Variants in TMEM232 observed in about 807,000 individuals in gnomAD.
TMEM232 encodes the protein transmembrane protein 232.
Under a neutral mutation model 78.8 loss-of-function variants are expected in TMEM232, and 80 were observed. That is an observed-to-expected ratio of 1.01 (90% CI 0.85 to 1.22). The LOEUF is 1.22. TMEM232 is among the 50% of genes most tolerant of loss of function. The probability of loss-of-function intolerance (pLI) is 0.00; values close to 1 mark genes in which losing one functional copy is unlikely to be tolerated. For missense variants in TMEM232, 881 were observed against 742.2 expected, an observed-to-expected ratio of 1.19 and a Z score of -2.17; for synonymous variants, 297 against 254.3, an observed-to-expected ratio of 1.17 and a Z score of -1.60.
intron 5 of TMEM232, among the ~76,000 whole-genome samples, chr5:110,629,450 C>A (rs1278616945): frequency 6.6e-6 from 1 of 152,048 alleles, no homozygotes; most frequent in Middle Eastern, 3.2e-3. Context: ...ATTGACAAAT[C>A]TACCTTTCCA....
At chr5:110,597,953 G>A (rs1264306787) in intron 10 of TMEM232, among the ~76,000 whole-genome samples, 2 of 152,144 alleles carry the variant, frequency 1.3e-5, no homozygotes, top group Non-Finnish European at 1.5e-5. Context: ...ATAGGCATGG[G>A]CAAGGACTTC....
chr5:110,677,826 C>T (rs1451981914), intron 1 of TMEM232, among the ~76,000 whole-genome samples: 4 of 151,884 alleles, frequency 2.6e-5, no homozygotes, highest in Non-Finnish European at 5.9e-5. Flanking sequence ...TCTTTGATTC[C>T]CATCATCATA....
intron 11 of TMEM232, among the ~76,000 whole-genome samples, chr5:110,551,343 C>G (rs1442109693): frequency 6.6e-6 from 1 of 152,152 alleles, no homozygotes; most frequent in Non-Finnish European, 1.5e-5. Flanking sequence ...CTTGCCTCAG[C>G]CTCCCAGTAG....
intron 1 of TMEM232, among the ~76,000 whole-genome samples, chr5:110,674,374 G>A (rs1192192838): frequency 6.6e-6 from 1 of 152,134 alleles, no homozygotes. Flanking sequence ...TTGCATGAAT[G>A]TGAAAAAAGT....
chr5:110,524,809 T>C (rs1436282852), intron 12 of TMEM232, among the ~76,000 whole-genome samples: 1 of 152,172 alleles, frequency 6.6e-6, no homozygotes, highest in Non-Finnish European at 1.5e-5. Context: ...TTGATTTATA[T>C]ATTTAGATGC....
intron 11 of TMEM232, among the ~76,000 whole-genome samples, chr5:110,550,787 G>T (rs1774357860): frequency 6.6e-6 from 1 of 150,774 alleles, no homozygotes; most frequent in African/African-American, 2.4e-5. Flanking sequence ...TAGATTCAAT[G>T]AAACCCCAAT....
intron 12 of TMEM232, among the ~76,000 whole-genome samples, chr5:110,509,628 T>C (rs1203478192): frequency 6.6e-6 from 1 of 152,178 alleles, no homozygotes; most frequent in Non-Finnish European, 1.5e-5. Flanking sequence ...ACATTATATA[T>C]GGTATACAAT....
intron 12 of TMEM232, among the ~76,000 whole-genome samples, chr5:110,437,903 T>C (rs146985162): frequency 4.2e-4 from 64 of 152,212 alleles, no homozygotes; most frequent in African/African-American, 1.4e-3. Context: ...GCCTAAGGAA[T>C]ATCTCAGGTG....
chr5:110,681,299 T>C (rs1371011149), intron 1 of TMEM232, among the ~76,000 whole-genome samples: 1 of 152,122 alleles, frequency 6.6e-6, no homozygotes, highest in Admixed American at 6.6e-5. Flanking sequence ...AACAGCCACA[T>C]CTGTATCTTC....
rs181083626 is a variant in TMEM232 at position 110,532,718 on chromosome 5, C to T, written c.1456-3883G>A. Among the ~76,000 whole-genome samples, 543 of 152,148 alleles carry T rather than the reference C, an allele frequency of 3.6e-3. 10 individuals carry two copies. The highest frequency in any genetic ancestry group is 4.4e-3 in the South Asian group (21 of 4,806). On this transcript the variant is annotated intron_variant, in intron 11 of 13. Transcript: ENST00000455884. ...CCTTTGCATCCTCCTCTTGTATCCC[C>T]CCACCTTAACACACAAGTATAAGAT...
intron 7 of TMEM232, among the ~76,000 whole-genome samples, chr5:110,620,615 C>A (rs1401695559): frequency 5.1e-5 from 7 of 136,184 alleles, no homozygotes; most frequent in African/African-American, 2.2e-4. Context: ...CTCTCTCTCT[C>A]TCTCTCTCTC....
intron 10 of TMEM232, among the ~76,000 whole-genome samples, chr5:110,603,884 G>A (rs1298710193): frequency 5.3e-5 from 8 of 152,074 alleles, no homozygotes; most frequent in Non-Finnish European, 1.0e-4. Flanking sequence ...AATGAAATGT[G>A]TATCTATTTC....
At chr5:110,735,279 G>T (rs1465431881) in intron 1 of TMEM232, among the ~76,000 whole-genome samples, 2 of 152,148 alleles carry the variant, frequency 1.3e-5, no homozygotes, top group African/African-American at 4.8e-5. Flanking sequence ...CTTGAAAACT[G>T]TTGAAACAAT....
chr5:110,547,093 A>C (rs1773870135), intron 11 of TMEM232, among the ~76,000 whole-genome samples: 1 of 152,082 alleles, frequency 6.6e-6, no homozygotes, highest in Non-Finnish European at 1.5e-5. Context: ...GTTTTAGGTA[A>C]GAAAATATAA....
At chr5:110,596,062 ACTAACGGCAGAT>A (rs1780121002) in intron 10 of TMEM232, among the ~76,000 whole-genome samples, 1 of 152,206 alleles carries the variant, frequency 6.6e-6, no homozygotes, top group African/African-American at 2.4e-5. Flanking sequence ...AGCCCATCAG[ACTAACGGCAGAT>A]CTCTCAGCAG....
At position 110,652,292 on chromosome 5, in the gene TMEM232, G is replaced by GCACACACA. The variant is rs1437198025; in HGVS notation, c.126-9922_126-9921insTGTGTGTG. On this transcript the variant is annotated intron_variant, in intron 2 of 13. Transcript: ENST00000455884. ...CCCAAGCACACAAAAGTGCACGCGC[G>GCACACACA]CGCACACACACACACACACACACAC... Among the ~76,000 whole-genome samples, 8 of 5,018 alleles carry GCACACACA rather than the reference G, an allele frequency of 1.6e-3. No individual in the cohort carries two copies. In the South Asian group the frequency reaches 0.022, roughly 14 times the overall value. 3.3% of individuals were successfully genotyped at this position (5,018 alleles called of 152,430 possible).
At chr5:110,463,639 A>G (rs1191870188) in intron 12 of TMEM232, among the ~76,000 whole-genome samples, 1 of 152,156 alleles carries the variant, frequency 6.6e-6, no homozygotes, top group Non-Finnish European at 1.5e-5. Flanking sequence ...ATTTTAGTTA[A>G]ATGGTACAAT....
At chr5:110,561,763 G>A (rs575194343) in intron 11 of TMEM232, among the ~76,000 whole-genome samples, 1 of 152,164 alleles carries the variant, frequency 6.6e-6, no homozygotes, top group East Asian at 1.9e-4. Flanking sequence ...TCAGAGTTTA[G>A]GTCAGCTGGG....
chr5:110,436,661 A>T (rs1455645470), intron 12 of TMEM232, among the ~76,000 whole-genome samples: 1 of 152,066 alleles, frequency 6.6e-6, no homozygotes, highest in Non-Finnish European at 1.5e-5. Flanking sequence ...ATCAAGTTTC[A>T]TTCTTCTGTA....
Sources: allele counts gnomAD v4.1 joint callset (sites outside exome capture counted in the v4.1 genomes callset), GRCh38; gene constraint gnomAD v4.1.1; transcripts MANE v1.5; gene names NCBI Gene and HGNC (gene_info 2026-07-23, HGNC 2026-07-21).